SPAG9: variants seen among roughly 807,000 people sequenced by gnomAD.
The protein encoded by SPAG9 is sperm associated antigen 9, also known as C-Jun-amino-terminal kinase-interacting protein 4.
Under a neutral mutation model 166.5 loss-of-function variants are expected in SPAG9, and 35 were observed. That is an observed-to-expected ratio of 0.21 (90% CI 0.16 to 0.28). The LOEUF (loss-of-function observed/expected upper bound fraction) is 0.28. Ranked by LOEUF, SPAG9 falls within the 10% of genes least tolerant of loss-of-function variation. The pLI, the probability that SPAG9 is intolerant of heterozygous loss-of-function variation, is 1.00. For synonymous variants in SPAG9, 534 were observed against 565.5 expected, an observed-to-expected ratio of 0.94 and a Z score of 0.79; for missense variants, 1,235 against 1,603.3, an observed-to-expected ratio of 0.77 and a Z score of 3.92.
intron 1 of SPAG9, among the ~76,000 whole-genome samples, chr17:51,117,207 GC>G (rs1476074683): frequency 6.6e-6 from 1 of 152,152 alleles, no homozygotes; most frequent in Non-Finnish European, 1.5e-5. Flanking sequence ...AATTTTTGAT[GC>G]CTTGCTGAGA....
chr17:51,089,663 T>TATATATATAC (rs1403230293), intron 1 of SPAG9, among the ~76,000 whole-genome samples: 12 of 78,292 alleles, frequency 1.5e-4, no homozygotes, highest in East Asian at 6.8e-4. Flanking sequence ...TATATATATA[T>TATATATATAC]ACACATACAC....
At chr17:51,026,465 A>C (rs1235695540) in intron 6 of SPAG9, among the ~76,000 whole-genome samples, 3 of 152,044 alleles carry the variant, frequency 2.0e-5, no homozygotes, top group African/African-American at 7.2e-5. Flanking sequence ...TTATGTTTTA[A>C]ATTTATCCTA....
chr17:51,011,061 A>G (rs189896201), intron 9 of SPAG9, among the ~76,000 whole-genome samples: 13 of 152,330 alleles, frequency 8.5e-5, no homozygotes, highest in Admixed American at 2.0e-4. Context: ...AGGCAAGTTG[A>G]TATCACAGAA....
At chr17:51,118,842 G>C (rs1158854078) in intron 1 of SPAG9, among the ~76,000 whole-genome samples, 1 of 152,086 alleles carries the variant, frequency 6.6e-6, no homozygotes, top group Non-Finnish European at 1.5e-5. Flanking sequence ...TTGAGGCCAG[G>C]AGTTCAAGAC....
At chr17:51,108,336 G>A (rs2049011273) in intron 1 of SPAG9, among the ~76,000 whole-genome samples, 2 of 142,210 alleles carry the variant, frequency 1.4e-5, no homozygotes, top group African/African-American at 2.7e-5. Flanking sequence ...GTGGTGAGAT[G>A]AAATTGCACC....
chr17:50,981,034 TAAACTAA>T (rs1567958705), intron 25 of SPAG9, among the ~76,000 whole-genome samples: 1 of 151,896 alleles, frequency 6.6e-6, no homozygotes, highest in Non-Finnish European at 1.5e-5. Context: ...AAAATATAAT[TAAACTAA>T]AAGGAACCCA....
intron 5 of SPAG9, among the ~76,000 whole-genome samples, chr17:51,033,619 C>A (rs1044473532): frequency 1.3e-5 from 2 of 152,128 alleles, no homozygotes; most frequent in Non-Finnish European, 2.9e-5. Flanking sequence ...ACCTGGAATT[C>A]GTGGCTTCAA....
At chr17:51,001,482 A>C (rs138055160) in intron 13 of SPAG9, among the ~76,000 whole-genome samples, 68 of 152,296 alleles carry the variant, frequency 4.5e-4, no homozygotes, top group Middle Eastern at 6.8e-3. Context: ...CTAAGTAATA[A>C]TAATTGCCTT....
chr17:51,026,200 A>C (rs1213586928), intron 6 of SPAG9, among the ~76,000 whole-genome samples: 1 of 152,030 alleles, frequency 6.6e-6, no homozygotes, highest in Non-Finnish European at 1.5e-5. Flanking sequence ...TGTATTTAGT[A>C]ATTTAAAAGT....
chr17:51,027,269 T>TAA (rs1227475429), intron 6 of SPAG9, among the ~76,000 whole-genome samples: 5 of 151,870 alleles, frequency 3.3e-5, no homozygotes, highest in African/African-American at 1.2e-4. Context: ...TCATCTCTAC[T>TAA]AAAAATACAA....
At chr17:51,017,042 A>T (rs1214587593) in intron 8 of SPAG9, among the ~76,000 whole-genome samples, 1 of 152,282 alleles carries the variant, frequency 6.6e-6, no homozygotes, top group Non-Finnish European at 1.5e-5. Context: ...ATATAATATT[A>T]GGAGGATGAA....
intron 1 of SPAG9, among the ~76,000 whole-genome samples, chr17:51,098,873 G>A (rs995836109): frequency 1.3e-5 from 2 of 151,690 alleles, no homozygotes; most frequent in Non-Finnish European, 2.9e-5. Flanking sequence ...AGGCCAAGGC[G>A]GGCGGATCAC....
At chr17:51,046,226 T>C (rs1183249620) in intron 4 of SPAG9, among the ~76,000 whole-genome samples, 3 of 152,204 alleles carry the variant, frequency 2.0e-5, no homozygotes, top group Non-Finnish European at 4.4e-5. Context: ...TTCTTTTACT[T>C]TGAACATTCT....
intron 5 of SPAG9, among the ~76,000 whole-genome samples, chr17:51,032,089 T>C (rs957522134): frequency 1.3e-5 from 2 of 152,220 alleles, no homozygotes; most frequent in Admixed American, 6.5e-5. Flanking sequence ...GAAATGTTTA[T>C]CACACCTCCT....
Position 50,964,091 on chromosome 17 carries a change from G to T in SPAG9, c.*2181C>A, listed in dbSNP as rs964036635. ...ATGTACTTCACAATCTAGCCTAATC[G>T]TGTATATGCATAAAAGCCACTGGTA... On this transcript the variant is annotated 3_prime_UTR_variant, in exon 30 of 30. Transcript: ENST00000262013. The T allele has an allele frequency of 6.6e-6, 1 of 151,950 alleles. No homozygotes were observed. The allele number at this position is 151,950 out of a possible 1,614,324, so 9.4% of individuals were successfully genotyped here. A position where few individuals can be genotyped will look rare whatever the true frequency, so the allele number is the denominator to read the frequency against.
At chr17:51,096,038 G>T (rs1303198612) in intron 1 of SPAG9, among the ~76,000 whole-genome samples, 1 of 92,632 alleles carries the variant, frequency 1.1e-5, no homozygotes, top group South Asian at 2.9e-4. Flanking sequence ...TATATATAGT[G>T]ATATATATAT....
intron 6 of SPAG9, among the ~76,000 whole-genome samples, chr17:51,024,659 G>A (rs556248599): frequency 1.7e-3 from 250 of 150,932 alleles, no homozygotes; most frequent in African/African-American, 5.7e-3. Flanking sequence ...GTTGCAGTAA[G>A]CTGAGATTGC....
At position 51,049,857 on chromosome 17, in the gene SPAG9, C is replaced by T. The variant is rs530144045; in HGVS notation, c.496-2388G>A. Reference sequence around the variant, plus strand: ...AAGTGATCCACCCGCCTTGGCCTCCCAAAGTGTTGGGATTACAGGTGTGAG... The same window carrying T: ...AAGTGATCCACCCGCCTTGGCCTCCTAAAGTGTTGGGATTACAGGTGTGAG... On this transcript the variant is annotated intron_variant, in intron 3 of 29. Transcript: ENST00000262013. Among the ~76,000 whole-genome samples, 5 of 152,280 alleles carry T rather than the reference C, an allele frequency of 3.3e-5. No homozygotes were observed. In the South Asian group the frequency reaches 1.0e-3, roughly 32 times the overall value.
rs1416232583 is a variant in SPAG9 at position 51,014,150 on chromosome 17, A to G, written c.1213+82T>C. On this transcript the variant is annotated intron_variant, in intron 9 of 29. Coordinates refer to ENST00000262013, the MANE Select transcript of SPAG9 (RefSeq NM_001130528.3). ...CCTGTATCACTGAGCAGTTGGGGAC[A>G]TTTTAAAGGACTTTTCAATTAAATC... 8 of 1,303,664 alleles carry G rather than the reference A, an allele frequency of 6.1e-6. No homozygotes were observed. The East Asian group carries it at 1.5e-4, about 24-fold the overall frequency. The allele number at this position is 1,303,664 out of a possible 1,614,324, so 80.8% of individuals were successfully genotyped here. A position where few individuals can be genotyped will look rare whatever the true frequency, so the allele number is the denominator to read the frequency against.
Sources: gnomAD v4.1 joint callset for allele counts (sites outside exome capture counted in the v4.1 genomes callset) on GRCh38, gnomAD v4.1.1 for gene constraint, MANE v1.5 for transcripts, NCBI Gene and HGNC (gene_info 2026-07-23, HGNC 2026-07-21) for gene names.